The following HECTD3 variants were observed in gnomAD, a reference collection of about 807,000 sequenced individuals.
HECTD3 encodes E3 ubiquitin-protein ligase HECTD3.
HECTD3 carries 72 observed loss-of-function variants against 109.3 expected under a neutral mutation model. That is an observed-to-expected ratio of 0.66 (90% CI 0.54 to 0.80). The LOEUF (loss-of-function observed/expected upper bound fraction) is 0.80, where lower values mean the gene tolerates loss of function less well. Ranked by LOEUF, HECTD3 falls within the 30% of genes least tolerant of loss-of-function variation. HECTD3 has a pLI of 0.00. For synonymous variants in HECTD3, 481 were observed against 471.8 expected (o/e 1.02, Z -0.25); for missense variants, 1,041 against 1,165.2 (o/e 0.89, Z 1.55).
chr1:45,007,164 GTGTT>G (rs765004956), intron 11 of HECTD3, 51 bp downstream of exon 11: 100 of 1,465,536 alleles, frequency 6.8e-5, no homozygotes, highest in Non-Finnish European at 8.7e-5. Flanking sequence ...GTGTTTGTGT[GTGTT>G]TGTGTGCACA....
In HECTD3 at chr1:45,004,238, G is replaced by C; in HGVS notation, c.2272+10C>G. On this transcript the variant is annotated intron_variant, in intron 17 of 20. Coordinates refer to ENST00000372172, the MANE Select transcript of HECTD3 (RefSeq NM_024602.6). ...TGCTGCCCTGCCCTGCCCTGCCTTG[G>C]GGAACTCACTGAGCTTGCGCAGAGC... 2 of 1,613,964 alleles carry C rather than the reference G, an allele frequency of 1.2e-6. No individual in the cohort carries two copies. The highest frequency in any genetic ancestry group is 1.7e-6 in the Non-Finnish European group (2 of 1,179,882).
At position 45,006,732 on chromosome 1, in the gene HECTD3, G is replaced by A. The variant is rs267598620; in HGVS notation, c.1685C>T (p.Thr562Ile). ...SEELCPSSAD[T>I]PVPLPFFVRT... ...TACAAAGAAGGGCAGGGGCACGGGG[G>A]TATCCGCTGAGCTAGGGCACAGCTC... The change falls in exon 13 of 21, where the codon ACC becomes ATC. Residue 562 changes from threonine to isoleucine, a missense_variant. Physicochemically the swap from Thr to Ile is moderately conservative, Grantham distance 89 (BLOSUM62 -1). Coordinates refer to ENST00000372172, the MANE Select transcript of HECTD3 (RefSeq NM_024602.6). This position sits in a 1 kb window ranked among gnomAD's most constrained non-coding sequence, Gnocchi z 4.7. 3 of 1,613,572 alleles carry A rather than the reference G, an allele frequency of 1.9e-6. No individual in the cohort carries two copies. The highest frequency in any genetic ancestry group is 2.7e-5 in the African/African-American group (2 of 74,892).
chr1:45,008,638 C>G lies in HECTD3; in HGVS notation c.1136G>C (p.Gly379Ala), dbSNP rs1644757238. ...TGGCTGGAACAGGTCTGCATTCAAC[C>G]CTAGTTCCCGCTGTCTAGATGACTT... ...KIKSSRQREL[G>A]LNADLFQPTS... Residue 379 changes from glycine (G) to alanine (A), a missense_variant, in exon 8 of 21, where the codon GGG becomes GCG. Physicochemically the swap from Gly to Ala is moderately conservative, Grantham distance 60 (BLOSUM62 0). Transcript: ENST00000372172. The G allele has an allele frequency of 6.2e-7, 1 of 1,613,820 alleles. No homozygotes were observed. The highest frequency in any genetic ancestry group is 8.5e-7 in the Non-Finnish European group (1 of 1,179,936).
Position 45,004,617 on chromosome 1 carries a change from C to T in HECTD3, c.2125G>A (p.Glu709Lys), listed in dbSNP as rs1408631404. The T allele has an allele frequency of 1.2e-6, 2 of 1,614,192 alleles. No homozygotes were observed. Among genetic ancestry groups the T allele is most frequent in the South Asian group, 1.1e-5 (1 of 91,084 alleles). The change falls in exon 16 of 21, where the codon GAG becomes AAG. Residue 709 changes from glutamate to lysine, a missense_variant. This residue lies in a region of HECTD3 where 569 missense variants were observed against 715.3 expected (regional missense o/e 0.80). Coordinates refer to ENST00000372172, the MANE Select transcript of HECTD3 (RefSeq NM_024602.6). ...FIQLVQKARL[E>K]ESKEQVAAMQ... ...GGTACTACCTGCTCCTTGCTCTCCT[C>T]TAGCCGTGCCTTCTGGACCAGTTGG...
Position 45,009,555 on chromosome 1 carries a change from A to AGG in HECTD3, c.875+12_875+13insCC. On this transcript the variant is annotated intron_variant, in intron 5 of 20. Coordinates refer to ENST00000372172, the MANE Select transcript of HECTD3 (RefSeq NM_024602.6). ...ATAGCCCACCCACCCTGTCCTGCCCAGAGCCTACTTACTTGACAATGGTGC... is the reference window on the plus strand; with the variant it reads ...ATAGCCCACCCACCCTGTCCTGCCCAGGGAGCCTACTTACTTGACAATGGTGC... 7 of 1,609,200 alleles carry AGG rather than the reference A, an allele frequency of 4.3e-6. No homozygotes were observed. The highest frequency in any genetic ancestry group is 6.0e-6 in the Non-Finnish European group (7 of 1,175,738).
chr1:45,009,174 T>G lies in HECTD3; in HGVS notation c.1042A>C (p.Ile348Leu). The G allele has an allele frequency of 6.2e-7, 1 of 1,614,088 alleles. No individual in the cohort carries two copies. The highest frequency in any genetic ancestry group is 1.1e-5 in the South Asian group (1 of 91,078). Residue 348 changes from isoleucine to leucine, a missense_variant, in exon 7 of 21, where the codon ATC becomes CTC. Physicochemically the swap from Ile to Leu is conservative, Grantham distance 5. Coordinates refer to ENST00000372172, the MANE Select transcript of HECTD3 (RefSeq NM_024602.6). ...VLEDMTVHLP[I>L]IEIRIVECRD... is the part of the protein sequence containing the mutation. ...CACTCCACGATGCGGATCTCGATGA[T>G]CGGGAGGTGGACGGTCATGTCCTCC...
intron 8 of HECTD3, 50 bp downstream of exon 8, chr1:45,008,486 G>A: frequency 1.3e-6 from 2 of 1,590,480 alleles, no homozygotes; most frequent in South Asian, 2.2e-5. Context: ...GACACACAAG[G>A]CTCAATGTTG....
chr1:45,010,010 C>T lies in HECTD3; in HGVS notation c.735G>A (p.Glu245=). Residue 245 remains glutamate (E), a synonymous_variant, in exon 4 of 21, where the codon GAG becomes GAA. Coordinates refer to ENST00000372172, the MANE Select transcript of HECTD3 (RefSeq NM_024602.6). ...CCGTGTAGGAGGAAACGTCTATGCTCTCCACATACTGCTTCACGCTACCCA... is the reference window on the plus strand; with the variant it reads ...CCGTGTAGGAGGAAACGTCTATGCTTTCCACATACTGCTTCACGCTACCCA... The part of the protein sequence containing the change: ...ENLGSVKQYV[E]SIDVSSYTEE... The T allele has an allele frequency of 1.9e-6, 3 of 1,548,270 alleles. No individual in the cohort carries two copies. The highest frequency in any genetic ancestry group is 2.6e-6 in the Non-Finnish European group (3 of 1,144,124).
chr1:45,004,153 GC>G lies in HECTD3; in HGVS notation c.2273-20del, dbSNP rs750655696. ...AACCGGGCTGGTGGAGACAAGGCCA[GC>G]ATTCATTCTTGGGTCTCATCTTGCC... On this transcript the variant is annotated intron_variant, in intron 17 of 20. Transcript: ENST00000372172. 2 of 1,614,194 alleles carry G rather than the reference GC, an allele frequency of 1.2e-6. No individual in the cohort carries two copies. The highest frequency in any genetic ancestry group is 3.3e-5 in the Admixed American group (2 of 60,028).
In HECTD3 at chr1:45,010,313, A is replaced by G. The variant is rs1219462984; in HGVS notation, c.531-20T>C. ...TCCCACCTGTGGGCACAGAGTAGGG[A>G]GTGGGATGGGGAGACATCAGCGGTC... is the stretch of plus-strand genomic sequence containing the variant. On this transcript the variant is annotated intron_variant, in intron 2 of 20. Coordinates refer to ENST00000372172, the MANE Select transcript of HECTD3 (RefSeq NM_024602.6). 3 of 1,609,540 alleles carry G rather than the reference A, an allele frequency of 1.9e-6. No individual in the cohort carries two copies. In the Admixed American group the frequency reaches 5.0e-5, roughly 27 times the overall value.
In HECTD3 at chr1:45,007,027, G is replaced by A. The variant is rs143819626; in HGVS notation, c.1557-12C>T. On this transcript the variant is annotated splice_polypyrimidine_tract_variant and intron_variant, in intron 11 of 20. Transcript: ENST00000372172. ...AGCGCATGGGCCACCTGCAAAAAACGTGGGCAGATTTGTCATTATGTGGGG... is the reference window on the plus strand; with the variant it reads ...AGCGCATGGGCCACCTGCAAAAAACATGGGCAGATTTGTCATTATGTGGGG... 6.0e-4 allele frequency: 969 copies of A among 1,613,952 alleles called. 6 individuals are homozygous for A. The African/African-American group carries it at 0.011, about 19-fold the overall frequency.
At chr1:45,009,059 C>T in intron 7 of HECTD3, 85 bp downstream of exon 7, 1 of 1,131,706 alleles carries the variant, frequency 8.8e-7, no homozygotes, top group Non-Finnish European at 1.3e-6. Context: ...ACTCCAAGCC[C>T]ATCCTCTTCT....
At position 45,004,368 on chromosome 1, in the gene HECTD3, T is replaced by C. The variant is rs766050622; in HGVS notation, c.2152A>G (p.Met718Val). 2.0e-4 allele frequency: 325 copies of C among 1,614,016 alleles called. No individual in the cohort carries two copies. The highest frequency in any genetic ancestry group is 2.6e-4 in the Non-Finnish European group (308 of 1,179,996). The stretch of plus-strand genomic sequence containing the variant: ...ACCACCTTCAGCAGACCTGCCTGCA[T>C]AGCTGCCACCTGGGGAGTGGGTAAA... Reference protein sequence around the residue: ...LEESKEQVAAMQAGLLKVVPQ... With the variant: ...LEESKEQVAAVQAGLLKVVPQ... The change falls in exon 17 of 21, where the codon ATG becomes GTG. Residue 718 changes from methionine (M) to valine (V), a missense_variant. By Grantham distance (21) the Met-to-Val change is conservative (BLOSUM62 1). This residue lies in a region of HECTD3 where 569 missense variants were observed against 715.3 expected (regional missense o/e 0.80). Coordinates refer to ENST00000372172, the MANE Select transcript of HECTD3 (RefSeq NM_024602.6).
chr1:45,011,316 A>G lies in HECTD3; in HGVS notation c.-59T>C, dbSNP rs1644792016. The G allele has an allele frequency of 2.2e-6, 3 of 1,349,960 alleles. No individual in the cohort carries two copies. In the African/African-American group the frequency reaches 4.6e-5, roughly 21 times the overall value. 83.6% of individuals were successfully genotyped at this position (1,349,960 alleles called of 1,614,324 possible). A position where few individuals can be genotyped will look rare whatever the true frequency, so the allele number is the denominator to read the frequency against. ...CCCTGCCCGGGGAACAGCTGGCGCG[A>G]CCGCGGACAGAGCTTCCCACCACGC... On this transcript the variant is annotated 5_prime_UTR_variant, in exon 1 of 21. Coordinates refer to ENST00000372172, the MANE Select transcript of HECTD3 (RefSeq NM_024602.6).
Position 45,005,793 on chromosome 1 carries a change from C to G in HECTD3, c.1935+1G>C, listed in dbSNP as rs1183549121. ...AAACACTGGTTCCAGGTCCTACTCA[C>G]CAGCACAGAGTCCACAGCTGGGAAG... is the stretch of plus-strand genomic sequence containing the variant. On this transcript the variant is annotated splice_donor_variant, in intron 15 of 20. Transcript: ENST00000372172. LOFTEE classifies it high-confidence loss of function. The G allele has an allele frequency of 1.3e-6, 2 of 1,588,528 alleles. No homozygotes were observed. Among genetic ancestry groups the G allele is most frequent in the East Asian group, 2.2e-5 (1 of 44,858 alleles).
chr1:45,010,296 G>A lies in HECTD3; in HGVS notation c.531-3C>T. The A allele has an allele frequency of 1.2e-6, 2 of 1,613,804 alleles. No homozygotes were observed. Among genetic ancestry groups the A allele is most frequent in the Non-Finnish European group, 8.5e-7 (1 of 1,179,830 alleles). ...TCAGGTCCACCACCTGTTCCCACCT[G>A]TGGGCACAGAGTAGGGAGTGGGATG... On this transcript the variant is annotated splice_region_variant and splice_polypyrimidine_tract_variant and intron_variant, in intron 2 of 20. Coordinates refer to ENST00000372172, the MANE Select transcript of HECTD3 (RefSeq NM_024602.6).
rs771049426 is a variant in HECTD3 at position 45,007,266 on chromosome 1, A to G, written c.1509T>C (p.Tyr503=). Residue 503 remains tyrosine, a synonymous_variant, in exon 11 of 21, where the codon TAT becomes TAC. Coordinates refer to ENST00000372172, the MANE Select transcript of HECTD3 (RefSeq NM_024602.6). The part of the protein sequence containing the change: ...ACKNAVFTQV[Y]EGLKPSDKYE... ...ATTTGTCAGAGGGCTTGAGGCCTTC[A>G]TATACCTGGAGGCAAGGAGGAAAGG... The G allele has an allele frequency of 6.2e-7, 1 of 1,613,472 alleles. No individual in the cohort carries two copies. The highest frequency in any genetic ancestry group is 8.5e-7 in the Non-Finnish European group (1 of 1,179,616).
At chr1:45,005,716 C>A (rs562855807) in intron 15 of HECTD3, 78 bp downstream of exon 15, 20 of 1,134,766 alleles carry the variant, frequency 1.8e-5, no homozygotes, top group Admixed American at 2.3e-5. Context: ...GGTGAAAGAA[C>A]AAGGTACAGA....
rs770250908 is a variant in HECTD3, at chr1:45,007,250, A to T, written c.1525T>A (p.Ser509Thr). The change falls in exon 11 of 21, where the codon TCT becomes ACT. Residue 509 changes from serine to threonine, a missense_variant. Physicochemically the swap from Ser to Thr is moderately conservative, Grantham distance 58 (BLOSUM62 1). Transcript: ENST00000372172. ...TCCAGGGGCTTTTCATATTTGTCAG[A>T]GGGCTTGAGGCCTTCATATACCTGG... ...FTQVYEGLKP[S>T]DKYEKPLDYR... is the part of the protein sequence containing the mutation. 1.3e-5 allele frequency: 21 copies of T among 1,613,424 alleles called. No homozygotes were observed. Among genetic ancestry groups the T allele is most frequent in the Admixed American group, 1.7e-5 (1 of 59,908 alleles).
Sources: gnomAD v4.1 joint callset for allele counts on GRCh38, gnomAD v4.1.1 for gene constraint, gnomAD v4.1.1 regional missense constraint, Gnocchi (gnomAD v3.1) non-coding constraint, MANE v1.5 for transcripts, NCBI Gene and HGNC (gene_info 2026-07-23, HGNC 2026-07-21) for gene names.